KCND2: variants seen among roughly 807,000 people sequenced by gnomAD.
KCND2 encodes A-type voltage-gated potassium channel KCND2.
A neutral mutation model predicts 54.4 loss-of-function variants in KCND2; 16 were observed. The observed-to-expected ratio is 0.29, with a 90% CI of 0.20 to 0.45. The LOEUF (loss-of-function observed/expected upper bound fraction) is 0.45. Ranked by LOEUF, KCND2 falls within the 20% of genes least tolerant of loss-of-function variation. The pLI is 1.00. For synonymous variants in KCND2, 317 were observed against 310.7 expected, an observed-to-expected ratio of 1.02 and a Z score of -0.21; for missense variants, 486 against 824.2, an observed-to-expected ratio of 0.59 and a Z score of 5.02.
chr7:120,330,581 C>CAAAAAAA (rs3067024), intron 1 of KCND2, among the ~76,000 whole-genome samples: 2 of 48,380 alleles, frequency 4.1e-5, no homozygotes, highest in Non-Finnish European at 6.6e-5. Context: ...AACTCTGTCT[C>CAAAAAAA]AAAAAAAAAA....
intron 1 of KCND2, among the ~76,000 whole-genome samples, chr7:120,716,518 G>A (rs1792605088): frequency 6.6e-6 from 1 of 152,098 alleles, no homozygotes; most frequent in African/African-American, 2.4e-5. Flanking sequence ...TCAATACAGG[G>A]TCTCTAAGGC....
chr7:120,433,549 G>T (rs144936184), intron 1 of KCND2, among the ~76,000 whole-genome samples: 5 of 152,190 alleles, frequency 3.3e-5, no homozygotes, highest in African/African-American at 1.2e-4. Context: ...TTATAAGCCT[G>T]TCTTGAACTT....
chr7:120,692,290 C>G (rs977880435), intron 1 of KCND2, among the ~76,000 whole-genome samples: 1 of 152,160 alleles, frequency 6.6e-6, no homozygotes, highest in Non-Finnish European at 1.5e-5. Flanking sequence ...ATCATTATGG[C>G]TGAATAATCT....
intron 1 of KCND2, among the ~76,000 whole-genome samples, chr7:120,319,115 A>G (rs1310420098): frequency 6.6e-6 from 1 of 152,034 alleles, no homozygotes; most frequent in Non-Finnish European, 1.5e-5. Context: ...GTTTAATTTT[A>G]TATTTTCTAA....
intron 1 of KCND2, among the ~76,000 whole-genome samples, chr7:120,335,707 A>G (rs1170961847): frequency 6.6e-6 from 1 of 152,002 alleles, no homozygotes; most frequent in East Asian, 1.9e-4. Context: ...GGATGGTCTC[A>G]GTCTCCTGAC....
At chr7:120,568,209 A>G (rs1457414272) in intron 1 of KCND2, among the ~76,000 whole-genome samples, 1 of 152,126 alleles carries the variant, frequency 6.6e-6, no homozygotes, top group Non-Finnish European at 1.5e-5. Flanking sequence ...AATTCTGTGG[A>G]GTTGCATGAA....
At chr7:120,362,820 T>A (rs1232570272) in intron 1 of KCND2, among the ~76,000 whole-genome samples, 1 of 152,116 alleles carries the variant, frequency 6.6e-6, no homozygotes, top group Non-Finnish European at 1.5e-5. Flanking sequence ...TCTTTGGCAA[T>A]TTTTCAATAT....
chr7:120,713,545 G>A (rs75570551), intron 1 of KCND2, among the ~76,000 whole-genome samples: 2,952 of 152,228 alleles, frequency 0.019, 32 homozygotes, highest in African/African-American at 0.027. Flanking sequence ...CTACTCTAGT[G>A]TTCAGCAATC....
At chr7:120,408,444 A>G (rs922924137) in intron 1 of KCND2, among the ~76,000 whole-genome samples, 8 of 151,942 alleles carry the variant, frequency 5.3e-5, no homozygotes, top group African/African-American at 1.9e-4. Flanking sequence ...ATACCACAAC[A>G]TATAACATGT....
chr7:120,742,677 T>G (rs1401026545), intron 4 of KCND2, 75 bp downstream of exon 4: 1 of 1,125,596 alleles, frequency 8.9e-7, no homozygotes, highest in African/African-American at 1.5e-5. Flanking sequence ...ACTTAATGCT[T>G]CCGAGTGTGA....
At chr7:120,657,959 T>A (rs561705100) in intron 1 of KCND2, among the ~76,000 whole-genome samples, 51 of 152,362 alleles carry the variant, frequency 3.3e-4, no homozygotes, top group Non-Finnish European at 5.9e-4. Flanking sequence ...TCATATTACC[T>A]AGATTTATTC....
At chr7:120,716,332 T>C (rs1207412849) in intron 1 of KCND2, among the ~76,000 whole-genome samples, 1 of 151,422 alleles carries the variant, frequency 6.6e-6, no homozygotes, top group African/African-American at 2.4e-5. Flanking sequence ...AGAAAAAAAA[T>C]GGCCACTTAT....
intron 1 of KCND2, among the ~76,000 whole-genome samples, chr7:120,350,277 G>A (rs771419475): frequency 2.6e-4 from 39 of 152,148 alleles, no homozygotes; most frequent in South Asian, 6.2e-4. Flanking sequence ...TGCTAATACA[G>A]TGTTAAGATT....
At chr7:120,336,630 T>C (rs955400987) in intron 1 of KCND2, among the ~76,000 whole-genome samples, 1 of 152,180 alleles carries the variant, frequency 6.6e-6, no homozygotes, top group Non-Finnish European at 1.5e-5. Flanking sequence ...TCCTTCTCCA[T>C]GTAGAGATAG....
intron 1 of KCND2, among the ~76,000 whole-genome samples, chr7:120,418,764 C>T (rs1801564940): frequency 6.6e-6 from 1 of 152,160 alleles, no homozygotes; most frequent in South Asian, 2.1e-4. Context: ...ATCAGAGGCT[C>T]AACTCTGAGA....
intron 1 of KCND2, among the ~76,000 whole-genome samples, chr7:120,556,185 T>G (rs4540347): frequency 0.057 from 8,712 of 152,214 alleles, 726 homozygotes; most frequent in African/African-American, 0.19. Context: ...CAACACTATT[T>G]ATTGCCCTTC....
At chr7:120,722,221 C>A (rs1017889253) in intron 1 of KCND2, among the ~76,000 whole-genome samples, 28 of 152,288 alleles carry the variant, frequency 1.8e-4, no homozygotes, top group African/African-American at 6.5e-4. Context: ...TCCAAGCTGG[C>A]CCTGTGCTTC....
intron 1 of KCND2, among the ~76,000 whole-genome samples, chr7:120,591,329 A>C (rs1285759965): frequency 6.6e-6 from 1 of 152,164 alleles, no homozygotes; most frequent in Non-Finnish European, 1.5e-5. Context: ...GAAAAAGTGG[A>C]TTGGCCTACA....
rs12534350 is a variant in KCND2, at chr7:120,692,281, T to C, written c.1116-40622T>C. ...AGTCCATCTCCTAGTGCAACAAAGA[T>C]CATTATGGCTGAATAATCTGTACCA... On this transcript the variant is annotated intron_variant, in intron 1 of 5. Transcript: ENST00000331113. 9.3e-4 allele frequency among the ~76,000 whole-genome samples: 141 copies of C among 152,316 alleles called. 1 individual carries two copies. Among genetic ancestry groups the C allele is most frequent in the African/African-American group, 3.1e-3 (130 of 41,584 alleles).
Sources: gnomAD v4.1 joint callset for allele counts (sites outside exome capture counted in the v4.1 genomes callset) on GRCh38, gnomAD v4.1.1 for gene constraint, MANE v1.5 for transcripts, NCBI Gene and HGNC (gene_info 2026-07-23, HGNC 2026-07-21) for gene names.